GRIK5: variants seen among roughly 807,000 people sequenced by gnomAD.
GRIK5 encodes glutamate ionotropic receptor kainate type subunit 5, also known as glutamate receptor ionotropic, kainate 5.
GRIK5 carries 43 observed loss-of-function variants against 97.4 expected under a neutral mutation model. The observed-to-expected ratio is 0.44, with a 90% CI of 0.35 to 0.57. The LOEUF (loss-of-function observed/expected upper bound fraction) is 0.57, where lower values mean the gene tolerates loss of function less well. Among genes scored for constraint, GRIK5 ranks in the 20% least tolerant of loss-of-function variants. GRIK5 has a pLI of 0.01. For synonymous variants in GRIK5, 580 were observed against 583.5 expected, an observed-to-expected ratio of 0.99 and a Z score of 0.09; for missense variants, 1,015 against 1,382.0, an observed-to-expected ratio of 0.73 and a Z score of 4.21.
At position 42,019,573 on chromosome 19, in the gene GRIK5, A is replaced by C. The variant is rs1370590757; in HGVS notation, c.1871+1728T>G. Reference sequence around the variant, plus strand: ...TGAAGATGTGACCTTACTCAGCAAAAGAGACTTTGCAGCTGTGATTAAGTT... The same window carrying C: ...TGAAGATGTGACCTTACTCAGCAAACGAGACTTTGCAGCTGTGATTAAGTT... On this transcript the variant is annotated intron_variant, in intron 15 of 19. Transcript: ENST00000593562. Among the ~76,000 whole-genome samples the C allele has an allele frequency of 1.3e-5, 2 of 152,208 alleles. 1 individual carries two copies. The highest frequency in any genetic ancestry group is 4.8e-5 in the African/African-American group (2 of 41,450).
chr19:42,022,109 C>G lies in GRIK5; in HGVS notation c.1588-53G>C. On this transcript the variant is annotated intron_variant, in intron 13 of 19. Coordinates refer to ENST00000593562, the MANE Select transcript of GRIK5 (RefSeq NM_002088.5). The surrounding 1 kb of genome is among the most constrained non-coding windows in gnomAD (Gnocchi z 4.2). ...GACACCCCTGGCCTGAGCCTCACAC[C>G]CAGCCCCTGCCCTACCAGGGACCTG... The G allele has an allele frequency of 1.4e-6, 2 of 1,440,530 alleles. No homozygotes were observed. The highest frequency in any genetic ancestry group is 2.3e-5 in the East Asian group (1 of 42,666). The allele number at this position is 1,440,530 out of a possible 1,614,324, so 89.2% of individuals were successfully genotyped here.
chr19:42,065,152 A>G lies in GRIK5; in HGVS notation c.244+71T>C. ...AGAGGACAAGGCCAGGCCAGAGGCC[A>G]GGGGCAGAGGGATGGACTGAGGGCC... On this transcript the variant is annotated intron_variant, in intron 3 of 19. Coordinates refer to ENST00000593562, the MANE Select transcript of GRIK5 (RefSeq NM_002088.5). The surrounding 1 kb of genome is among the most constrained non-coding windows in gnomAD (Gnocchi z 5.8). 1 of 1,361,546 alleles carries G rather than the reference A, an allele frequency of 7.3e-7. No individual in the cohort carries two copies. Among genetic ancestry groups the G allele is most frequent in the Non-Finnish European group, 1.0e-6 (1 of 983,776 alleles). 84.3% of individuals were successfully genotyped at this position (1,361,546 alleles called of 1,614,324 possible).
At chr19:42,030,439 G>A (rs1476423765) in intron 12 of GRIK5, among the ~76,000 whole-genome samples, 1 of 151,662 alleles carries the variant, frequency 6.6e-6, no homozygotes, top group East Asian at 1.9e-4. Context: ...TTAGAGGCGC[G>A]AGCCACCGTG....
chr19:42,006,594 T>G lies in GRIK5; in HGVS notation c.2037+51A>C. 2 of 1,549,182 alleles carry G rather than the reference T, an allele frequency of 1.3e-6. No individual in the cohort carries two copies. Among genetic ancestry groups the G allele is most frequent in the Non-Finnish European group, 1.8e-6 (2 of 1,123,240 alleles). ...CTGCCCAGACCCATCCTGAGCTGCT[T>G]TGCATGGCAGGGATCCCAACACCAC... On this transcript the variant is annotated intron_variant, in intron 16 of 19. Coordinates refer to ENST00000593562, the MANE Select transcript of GRIK5 (RefSeq NM_002088.5). This position sits in a 1 kb window ranked among gnomAD's most constrained non-coding sequence, Gnocchi z 5.3.
intron 5 of GRIK5, among the ~76,000 whole-genome samples, chr19:42,060,859 AT>A (rs1234183797): frequency 1.3e-5 from 2 of 151,846 alleles, no homozygotes; most frequent in African/African-American, 4.8e-5. Context: ...CGCCCATACC[AT>A]TCTTCATAAG....
chr19:42,020,729 T>A (rs2075685913), intron 15 of GRIK5, among the ~76,000 whole-genome samples: 1 of 152,130 alleles, frequency 6.6e-6, no homozygotes, highest in African/African-American at 2.4e-5. Context: ...CATGACAGTT[T>A]ACAAATGCCA....
At chr19:42,036,288 C>T (rs1487734360) in intron 12 of GRIK5, among the ~76,000 whole-genome samples, 1 of 152,042 alleles carries the variant, frequency 6.6e-6, no homozygotes, top group East Asian at 1.9e-4. Context: ...TCTCGAACTC[C>T]TGACCTCAGG....
Position 41,998,821 on chromosome 19 carries a change from G to A in GRIK5, c.*50C>T, listed in dbSNP as rs1481502517. 5 of 970,720 alleles carry A rather than the reference G, an allele frequency of 5.2e-6. No individual in the cohort carries two copies. Among genetic ancestry groups the A allele is most frequent in the African/African-American group, 1.7e-5 (1 of 57,264 alleles). The allele number at this position is 970,720 out of a possible 1,614,324, so 60.1% of individuals were successfully genotyped here. ...AGCGGAGACTGCTGGGGCCTGGGGC[G>A]GGCCCCGTCCCTTCGGTCAGTCCGG... On this transcript the variant is annotated 3_prime_UTR_variant, in exon 20 of 20. Coordinates refer to ENST00000593562, the MANE Select transcript of GRIK5 (RefSeq NM_002088.5).
chr19:42,037,838 G>A (rs1412722175), intron 12 of GRIK5, among the ~76,000 whole-genome samples: 1 of 152,228 alleles, frequency 6.6e-6, no homozygotes, highest in Non-Finnish European at 1.5e-5. Context: ...TACCACAGGG[G>A]GAGGTCCTTG....
At chr19:42,052,566 G>A (rs2076130921) in intron 11 of GRIK5, among the ~76,000 whole-genome samples, 1 of 152,204 alleles carries the variant, frequency 6.6e-6, no homozygotes, top group African/African-American at 2.4e-5. Context: ...CTAACATCCT[G>A]CAAAACCCTC....
At chr19:42,029,308 C>T (rs1186150250) in intron 12 of GRIK5, among the ~76,000 whole-genome samples, 5 of 151,732 alleles carry the variant, frequency 3.3e-5, no homozygotes, top group Admixed American at 1.3e-4. Flanking sequence ...CCTCGTGATC[C>T]GCCCTCCTCA....
chr19:42,058,118 A>T (rs2076211056), intron 6 of GRIK5, among the ~76,000 whole-genome samples: 1 of 152,072 alleles, frequency 6.6e-6, no homozygotes, highest in Admixed American at 6.5e-5. Flanking sequence ...TGTCTCAAGA[A>T]CCCAGTGGAT....
At chr19:42,012,121 T>C (rs2075570406) in intron 15 of GRIK5, among the ~76,000 whole-genome samples, 2 of 152,198 alleles carry the variant, frequency 1.3e-5, no homozygotes, top group African/African-American at 2.4e-5. Flanking sequence ...TGGCTAACTA[T>C]GGCCCACAGG....
intron 12 of GRIK5, among the ~76,000 whole-genome samples, chr19:42,032,666 T>G (rs2075853643): frequency 6.6e-6 from 1 of 152,230 alleles, no homozygotes; most frequent in Non-Finnish European, 1.5e-5. Context: ...AAATGATCCG[T>G]GACCAGAGAA....
intron 3 of GRIK5, among the ~76,000 whole-genome samples, chr19:42,063,910 A>C (rs2076292757): frequency 6.6e-6 from 1 of 152,148 alleles, no homozygotes; most frequent in Admixed American, 6.5e-5. Context: ...CTCTAACTAA[A>C]GGCATCATAA....
intron 7 of GRIK5, 45 bp downstream of exon 7, chr19:42,056,880 A>G: frequency 1.2e-6 from 2 of 1,611,968 alleles, no homozygotes; most frequent in Non-Finnish European, 1.7e-6. Context: ...GACAGCTGTG[A>G]TGGGAAGGAA....
chr19:42,001,410 G>A (rs1370693521), intron 19 of GRIK5, among the ~76,000 whole-genome samples: 1 of 152,136 alleles, frequency 6.6e-6, no homozygotes, highest in Non-Finnish European at 1.5e-5. Context: ...TGTGTTTTCA[G>A]TAGAGACAGG....
chr19:41,999,108 C>T lies in GRIK5; in HGVS notation c.2706G>A (p.Ala902=), dbSNP rs782424418. 1 of 1,370,262 alleles carries T rather than the reference C, an allele frequency of 7.3e-7. No individual in the cohort carries two copies. 84.9% of individuals were successfully genotyped at this position (1,370,262 alleles called of 1,614,324 possible). A position where few individuals can be genotyped will look rare whatever the true frequency, so the allele number is the denominator to read the frequency against. The change falls in exon 20 of 20, where the codon GCG becomes GCA. Residue 902 remains alanine (A), a synonymous_variant. Coordinates refer to ENST00000593562, the MANE Select transcript of GRIK5 (RefSeq NM_002088.5). The surrounding 1 kb of genome is among the most constrained non-coding windows in gnomAD (Gnocchi z 5.0). ...SAGAGGDAGS[A]HGGPQRLLDD... ...CCAGGAGGCGCTGCGGGCCCCCGTG[C>T]GCGCTGCCCGCATCCCCGCCCGCGC... is the stretch of plus-strand genomic sequence containing the variant.
chr19:42,024,492 C>T (rs1371170906), intron 12 of GRIK5, among the ~76,000 whole-genome samples: 2 of 152,158 alleles, frequency 1.3e-5, no homozygotes, highest in African/African-American at 4.8e-5. Flanking sequence ...GGATTACAGG[C>T]GTGAGCCACC....
Sources: gnomAD v4.1 joint callset for allele counts (sites outside exome capture counted in the v4.1 genomes callset) on GRCh38, gnomAD v4.1.1 for gene constraint, Gnocchi (gnomAD v3.1) non-coding constraint, MANE v1.5 for transcripts, NCBI Gene and HGNC (gene_info 2026-07-23, HGNC 2026-07-21) for gene names.